Variants in LPGAT1 observed in about 807,000 individuals in gnomAD.
LPGAT1 encodes acyl-CoA:lysophosphatidylglycerol acyltransferase 1.
LPGAT1 carries 11 observed loss-of-function variants against 47.5 expected under a neutral mutation model. That is an observed-to-expected ratio of 0.23 (90% confidence interval 0.15 to 0.38). LPGAT1 has a LOEUF of 0.38. Ranked by LOEUF, LPGAT1 falls within the 10% of genes least tolerant of loss-of-function variation. The pLI, the probability that LPGAT1 is intolerant of heterozygous loss-of-function variation, is 1.00. For missense variants in LPGAT1, 293 were observed against 439.0 expected (o/e 0.67, Z 2.97); for synonymous variants, 138 against 144.2 (o/e 0.96, Z 0.31).
At chr1:211,807,315 C>T (rs1659795843) in intron 2 of LPGAT1, among the ~76,000 whole-genome samples, 1 of 152,056 alleles carries the variant, frequency 6.6e-6, no homozygotes, top group Non-Finnish European at 1.5e-5. Context: ...AAAGACTCAA[C>T]ATAGCAAAAA....
intron 2 of LPGAT1, among the ~76,000 whole-genome samples, chr1:211,795,817 T>G (rs755402647): frequency 2.6e-5 from 4 of 152,136 alleles, no homozygotes; most frequent in South Asian, 2.1e-4. Flanking sequence ...AATACAATCT[T>G]CATTCAATAA....
chr1:211,747,837 A>T lies in LPGAT1; in HGVS notation c.*2062T>A, dbSNP rs773785954. On this transcript the variant is annotated 3_prime_UTR_variant, in exon 8 of 8. Transcript: ENST00000366997. ...TTTATTCACCGACACTGTAGAACACATAATGAAATGCTTAGATTTAAAAAA... is the reference window on the plus strand; with the variant it reads ...TTTATTCACCGACACTGTAGAACACTTAATGAAATGCTTAGATTTAAAAAA... The T allele has an allele frequency of 6.6e-6, 1 of 152,662 alleles. No homozygotes were observed. Among genetic ancestry groups the T allele is most frequent in the Non-Finnish European group, 1.5e-5 (1 of 68,046 alleles). The allele number at this position is 152,662 out of a possible 1,614,324, so 9.5% of individuals were successfully genotyped here.
intron 2 of LPGAT1, among the ~76,000 whole-genome samples, chr1:211,825,813 A>C (rs557667561): frequency 1.3e-5 from 2 of 152,174 alleles, no homozygotes; most frequent in Non-Finnish European, 2.9e-5. Context: ...TACAAAAATT[A>C]GCTGGGTGTG....
chr1:211,819,585 T>C (rs1326771338), intron 2 of LPGAT1, among the ~76,000 whole-genome samples: 1 of 152,080 alleles, frequency 6.6e-6, no homozygotes, highest in Non-Finnish European at 1.5e-5. Flanking sequence ...AGGCATACAA[T>C]CTATGCTGGG....
At chr1:211,813,615 T>C (rs2102591622) in intron 2 of LPGAT1, among the ~76,000 whole-genome samples, 1 of 152,326 alleles carries the variant, frequency 6.6e-6, no homozygotes, top group South Asian at 2.1e-4. Context: ...AATAATTGAA[T>C]ACAATTTATA....
chr1:211,759,572 TTTTC>T (rs566667054), intron 6 of LPGAT1, among the ~76,000 whole-genome samples: 73 of 152,356 alleles, frequency 4.8e-4, no homozygotes, highest in African/African-American at 1.7e-3. Context: ...TTTAATTTGC[TTTTC>T]TTTTTCTTAT....
intron 2 of LPGAT1, among the ~76,000 whole-genome samples, chr1:211,810,260 C>T (rs559572532): frequency 6.6e-6 from 1 of 152,234 alleles, no homozygotes; most frequent in Non-Finnish European, 1.5e-5. Flanking sequence ...GGTTCTACCA[C>T]TGCAGAAGAC....
intron 7 of LPGAT1, 61 bp from the exon 8 acceptor site, chr1:211,750,111 A>C: frequency 2.8e-6 from 4 of 1,439,400 alleles, no homozygotes; most frequent in Non-Finnish European, 3.9e-6. Flanking sequence ...CCTGGAATAA[A>C]AGTTGAATAT....
chr1:211,783,307 C>A lies in LPGAT1; in HGVS notation c.649G>T (p.Ala217Ser). 6.2e-7 allele frequency: 1 copy of A among 1,614,116 alleles called. No homozygotes were observed. The highest frequency in any genetic ancestry group is 8.5e-7 in the Non-Finnish European group (1 of 1,180,006). Residue 217 changes from alanine (A) to serine (S), a missense_variant, in exon 5 of 8, where the codon GCA (alanine) becomes TCA (serine). Coordinates refer to ENST00000366997, the MANE Select transcript of LPGAT1 (RefSeq NM_014873.3). ...LTNVTLPRSGATKIILNALVA... is the reference protein window; with the variant it reads ...LTNVTLPRSGSTKIILNALVA... ...AGTGCATTCAAAATAATTTTTGTTG[C>A]CCCAGACCTTGGCAGAGTAACATTT...
chr1:211,781,960 A>G (rs1658659371), intron 5 of LPGAT1, among the ~76,000 whole-genome samples: 1 of 152,226 alleles, frequency 6.6e-6, no homozygotes, highest in South Asian at 2.1e-4. Flanking sequence ...TTAAAAATGG[A>G]AAATTCAGAA....
chr1:211,825,682 CA>C (rs981236317), intron 2 of LPGAT1, among the ~76,000 whole-genome samples: 1 of 152,120 alleles, frequency 6.6e-6, no homozygotes, highest in Admixed American at 6.5e-5. Context: ...GAAAACAGGC[CA>C]GGGGCGATGG....
At chr1:211,781,993 A>T (rs190288289) in intron 5 of LPGAT1, among the ~76,000 whole-genome samples, 7 of 152,364 alleles carry the variant, frequency 4.6e-5, no homozygotes, top group African/African-American at 7.2e-5. Context: ...ATAGAGAAAA[A>T]TAATACATAA....
chr1:211,781,520 T>C (rs572476030), intron 5 of LPGAT1, among the ~76,000 whole-genome samples: 1 of 152,338 alleles, frequency 6.6e-6, no homozygotes, highest in East Asian at 1.9e-4. Flanking sequence ...GTCTTTTTAA[T>C]AGATGATGAA....
At chr1:211,812,683 C>T (rs1002708042) in intron 2 of LPGAT1, among the ~76,000 whole-genome samples, 6 of 152,186 alleles carry the variant, frequency 3.9e-5, no homozygotes, top group African/African-American at 1.2e-4. Flanking sequence ...CCTGGATTAT[C>T]CAGATGAACC....
At chr1:211,818,076 C>A (rs1436472760) in intron 2 of LPGAT1, among the ~76,000 whole-genome samples, 1 of 152,092 alleles carries the variant, frequency 6.6e-6, no homozygotes, top group Admixed American at 6.6e-5. Flanking sequence ...CTCAAGTGAT[C>A]CACCCGCCTT....
In LPGAT1 at chr1:211,750,027, G is replaced by A. The variant is rs1172252973; in HGVS notation, c.985C>T (p.His329Tyr). 6.2e-7 allele frequency: 1 copy of A among 1,613,846 alleles called. No individual in the cohort carries two copies. Among genetic ancestry groups the A allele is most frequent in the Non-Finnish European group, 8.5e-7 (1 of 1,179,898 alleles). The change falls in exon 8 of 8, where the codon CAT (histidine) becomes TAT (tyrosine). Residue 329 changes from histidine (H) to tyrosine (Y), a missense_variant. Physicochemically the swap from His to Tyr is moderately conservative, Grantham distance 83 (BLOSUM62 2). Coordinates refer to ENST00000366997, the MANE Select transcript of LPGAT1 (RefSeq NM_014873.3). ...ETGAFPPSKG[H>Y]KEAVSREMTL... ...ATCTCCCTGGAAACAGCTTCCTTAT[G>A]GCCCTTGGAAGGTGGAAAAGCTCCT... is the stretch of plus-strand genomic sequence containing the variant.
rs905430858 is a variant in LPGAT1 at position 211,830,664 on chromosome 1, G to A, written c.-119C>T. On this transcript the variant is annotated 5_prime_UTR_variant, in exon 1 of 8. Transcript: ENST00000366997. This position sits in a 1 kb window ranked among gnomAD's most constrained non-coding sequence, Gnocchi z 5.9. ...GGCGGGGCCGGCGGAAGAAGGCGGTGGCGGGGCCCTGCCCCGCTCCGGCTG... is the reference window on the plus strand; with the variant it reads ...GGCGGGGCCGGCGGAAGAAGGCGGTAGCGGGGCCCTGCCCCGCTCCGGCTG... 3.3e-6 allele frequency: 4 copies of A among 1,199,784 alleles called. No individual in the cohort carries two copies. The African/African-American group carries it at 4.8e-5, about 14-fold the overall frequency. The allele number at this position is 1,199,784 out of a possible 1,614,324, so 74.3% of individuals were successfully genotyped here.
rs550596785 is a variant in LPGAT1, at chr1:211,779,975, C to T, written c.728-931G>A. Among the ~76,000 whole-genome samples the T allele has an allele frequency of 1.4e-3, 213 of 152,134 alleles. 2 individuals carry two copies. In the Middle Eastern group the frequency reaches 0.017, roughly 12 times the overall value. On this transcript the variant is annotated intron_variant, in intron 5 of 7. Transcript: ENST00000366997. ...GGCAGATCACCTGAGGTAGGAAGTTCGAGACCAGTCTAACCAACATGGAGA... is the reference window on the plus strand; with the variant it reads ...GGCAGATCACCTGAGGTAGGAAGTTTGAGACCAGTCTAACCAACATGGAGA...
intron 6 of LPGAT1, among the ~76,000 whole-genome samples, chr1:211,762,585 C>T (rs1283900102): frequency 2.6e-5 from 4 of 152,176 alleles, no homozygotes; most frequent in Admixed American, 2.0e-4. Context: ...CAGAGGAGTG[C>T]TTGTGGGATT....
Sources: allele counts gnomAD v4.1 joint callset (sites outside exome capture counted in the v4.1 genomes callset), GRCh38; gene constraint gnomAD v4.1.1; non-coding constraint Gnocchi (gnomAD v3.1); transcripts MANE v1.5; gene names NCBI Gene and HGNC (gene_info 2026-07-23, HGNC 2026-07-21).